The following GRIP1 variants were observed in gnomAD, a reference collection of about 807,000 sequenced individuals.
The protein encoded by GRIP1 is glutamate receptor interacting protein 1, also known as glutamate receptor-interacting protein 1.
GRIP1 carries 45 observed loss-of-function variants against 129.9 expected under a neutral mutation model. The ratio of observed to expected loss-of-function variants is 0.35; its 90% CI spans 0.27 to 0.44. The LOEUF is 0.44. GRIP1 is among the 20% of genes least tolerant of loss of function. The pLI, the probability that GRIP1 is intolerant of heterozygous loss-of-function variation, is 1.00. For missense variants in GRIP1, 1,196 were observed against 1,396.8 expected (o/e 0.86, Z 2.29); for synonymous variants, 530 against 520.8 (o/e 1.02, Z -0.24).
intron 11 of GRIP1, among the ~76,000 whole-genome samples, chr12:66,451,386 T>G (rs1036636322): frequency 6.4e-4 from 19 of 29,658 alleles, no homozygotes; most frequent in African/African-American, 1.9e-3. Flanking sequence ...ATAATCTGTT[T>G]TTTTTTTTTT....
intron 1 of GRIP1, among the ~76,000 whole-genome samples, chr12:67,040,298 T>G (rs965840440): frequency 6.6e-6 from 1 of 150,990 alleles, no homozygotes; most frequent in African/African-American, 2.4e-5. Context: ...GAAGTAATCT[T>G]CCACTCAATA....
rs1212145568 is a variant in GRIP1, at chr12:66,455,535, T to C, written c.1228A>G (p.Thr410Ala). ...CTCAGGCTGTATGCACTCATGGAGGTAGGAGAGAAGGATGAAGACACCAAA... is the reference window on the plus strand; with the variant it reads ...CTCAGGCTGTATGCACTCATGGAGGCAGGAGAGAAGGATGAAGACACCAAA... ...PALVSSSFSP[T>A]SMSAYSLSSL... Residue 410 changes from threonine to alanine, a missense_variant, in exon 11 of 25, where the codon ACC becomes GCC. Around this residue, in one of 5 missense-constraint regions of GRIP1, gnomAD observed 508 missense variants for 587.0 expected, o/e 0.87. Transcript: ENST00000359742. 1.2e-6 allele frequency: 2 copies of C among 1,613,672 alleles called. No individual in the cohort carries two copies. Among genetic ancestry groups the C allele is most frequent in the South Asian group, 1.1e-5 (1 of 91,052 alleles).
intron 1 of GRIP1, among the ~76,000 whole-genome samples, chr12:66,659,256 CA>C (rs2033353881): frequency 6.6e-6 from 1 of 152,198 alleles, no homozygotes; most frequent in Admixed American, 6.6e-5. Flanking sequence ...TTCTGCATAA[CA>C]TTGAGTGTGC....
rs557974836 is a variant in GRIP1 at position 67,046,159 on chromosome 12, G to A, written c.58+22891C>T. Among the ~76,000 whole-genome samples the A allele has an allele frequency of 1.4e-3, 219 of 152,206 alleles. 3 individuals are homozygous for A. Among genetic ancestry groups the A allele is most frequent in the African/African-American group, 5.2e-3 (215 of 41,530 alleles). On this transcript the variant is annotated intron_variant, in intron 1 of 1. Coordinates refer to the GRIP1 transcript ENST00000643019. ...CCTCTTCAGTTGACCCCCACTTCCC[G>A]ACTGAGTTCAGCCTCAAAGTCAAAG...
chr12:67,046,779 A>T (rs1476200308), intron 1 of GRIP1, among the ~76,000 whole-genome samples: 1 of 152,214 alleles, frequency 6.6e-6, no homozygotes, highest in Non-Finnish European at 1.5e-5. Flanking sequence ...AAGTTTACTT[A>T]GAATCACAGT....
At chr12:66,385,281 A>G (rs1231899486) in intron 19 of GRIP1, among the ~76,000 whole-genome samples, 2 of 152,210 alleles carry the variant, frequency 1.3e-5, no homozygotes, top group Non-Finnish European at 2.9e-5. Flanking sequence ...CATGCCTGCA[A>G]TCCCAGCACT....
intron 1 of GRIP1, among the ~76,000 whole-genome samples, chr12:66,880,045 G>T (rs939085830): frequency 3.3e-5 from 5 of 152,036 alleles, no homozygotes; most frequent in African/African-American, 1.2e-4. Flanking sequence ...TTGTGCAGGG[G>T]CGAGAAGGAA....
At chr12:66,608,953 TTATTATATTATA>T (rs2064669458) in intron 1 of GRIP1, among the ~76,000 whole-genome samples, 2 of 142,764 alleles carry the variant, frequency 1.4e-5, no homozygotes, top group Non-Finnish European at 3.1e-5. Flanking sequence ...ATTATTATTA[TTATTATATTATA>T]TATATATTTT....
In GRIP1 at chr12:66,817,033, A is replaced by G. The variant is rs1180489058; in HGVS notation, c.59-220106T>C. On this transcript the variant is annotated intron_variant, in intron 1 of 1. Coordinates refer to the GRIP1 transcript ENST00000643019. ...TGAACATCCTTTCCTCAGAAAACAA[A>G]TAAGATTTTATCCAAGAGCCTGAGA... Among the ~76,000 whole-genome samples, 8 of 152,122 alleles carry G rather than the reference A, an allele frequency of 5.3e-5. No individual in the cohort carries two copies. The South Asian group carries it at 6.2e-4, about 12-fold the overall frequency.
chr12:66,884,688 C>T (rs1369062809), intron 1 of GRIP1, among the ~76,000 whole-genome samples: 1 of 152,052 alleles, frequency 6.6e-6, no homozygotes, highest in African/African-American at 2.4e-5. Flanking sequence ...ACAAGACCTA[C>T]CCAATGATTA....
At chr12:66,975,427 C>G (rs1417854572) in intron 1 of GRIP1, among the ~76,000 whole-genome samples, 3 of 152,158 alleles carry the variant, frequency 2.0e-5, no homozygotes, top group Non-Finnish European at 4.4e-5. Context: ...ACAAATGCAA[C>G]AAACCTGTGG....
intron 1 of GRIP1, among the ~76,000 whole-genome samples, chr12:66,882,930 C>T (rs2040504772): frequency 6.6e-6 from 1 of 152,110 alleles, no homozygotes; most frequent in Non-Finnish European, 1.5e-5. Context: ...AAAGAGACAC[C>T]TTTAGTGGAT....
chr12:66,535,661 G>A (rs137882172), intron 4 of GRIP1, among the ~76,000 whole-genome samples: 24 of 152,140 alleles, frequency 1.6e-4, no homozygotes, highest in African/African-American at 4.8e-4. Flanking sequence ...TGCTGAAAAC[G>A]AAAAAATGTT....
intron 1 of GRIP1, among the ~76,000 whole-genome samples, chr12:66,635,264 T>C (rs2031247477): frequency 6.6e-6 from 1 of 151,076 alleles, no homozygotes; most frequent in Non-Finnish European, 1.5e-5. Flanking sequence ...TTAAAAAAAA[T>C]AAAAATTAGC....
chr12:67,002,074 A>C (rs894939854), intron 1 of GRIP1, among the ~76,000 whole-genome samples: 6 of 152,216 alleles, frequency 3.9e-5, no homozygotes, highest in African/African-American at 1.4e-4. Flanking sequence ...TTGTAAATCC[A>C]GAGAAAAATG....
At chr12:66,762,727 C>T (rs2037513644) in intron 1 of GRIP1, among the ~76,000 whole-genome samples, 1 of 152,110 alleles carries the variant, frequency 6.6e-6, no homozygotes, top group South Asian at 2.1e-4. Flanking sequence ...CCAGGAAACT[C>T]ATATTTATTT....
At chr12:66,528,309 G>A (rs1255337764) in intron 5 of GRIP1, among the ~76,000 whole-genome samples, 1 of 151,842 alleles carries the variant, frequency 6.6e-6, no homozygotes, top group Non-Finnish European at 1.5e-5. Flanking sequence ...TAATGTTTTT[G>A]TATTTTTTCA....
chr12:66,898,447 T>C (rs950509719), intron 1 of GRIP1, among the ~76,000 whole-genome samples: 3 of 152,228 alleles, frequency 2.0e-5, no homozygotes, highest in African/African-American at 7.2e-5. Flanking sequence ...AAATTGCTTC[T>C]ACTCCAGGCT....
chr12:66,835,104 T>C (rs1440987700), intron 1 of GRIP1, among the ~76,000 whole-genome samples: 1 of 152,036 alleles, frequency 6.6e-6, no homozygotes, highest in African/African-American at 2.4e-5. Context: ...ATCTAAAACA[T>C]ATAAAGAATT....
Sources: allele counts gnomAD v4.1 joint callset (sites outside exome capture counted in the v4.1 genomes callset), GRCh38; gene constraint gnomAD v4.1.1; regional missense constraint gnomAD v4.1.1; transcripts MANE v1.5; gene names NCBI Gene and HGNC (gene_info 2026-07-23, HGNC 2026-07-21).